ENPP6: variants seen among roughly 807,000 people sequenced by gnomAD.
ENPP6 encodes glycerophosphocholine cholinephosphodiesterase ENPP6.
A neutral mutation model predicts 42.0 loss-of-function variants in ENPP6; 32 were observed. The ratio of observed to expected loss-of-function variants is 0.76; its 90% CI spans 0.58 to 1.02. The LOEUF is 1.02. Among genes scored for constraint, ENPP6 ranks in the 50% least tolerant of loss-of-function variants. The probability of loss-of-function intolerance (pLI) is 0.00; values close to 1 mark genes in which losing one functional copy is unlikely to be tolerated. For missense variants in ENPP6, 552 were observed against 566.8 expected (o/e 0.97, Z 0.27); for synonymous variants, 213 against 216.0 (o/e 0.99, Z 0.12).
chr4:184,137,600 C>A (rs17075321), intron 2 of ENPP6, among the ~76,000 whole-genome samples: 3,587 of 152,312 alleles, frequency 0.024, 159 homozygotes, highest in African/African-American at 0.081. Context: ...GAGCAGACTA[C>A]CTTAATCCAG....
intron 1 of ENPP6, among the ~76,000 whole-genome samples, chr4:184,204,279 T>C (rs558178380): frequency 6.6e-6 from 1 of 152,292 alleles, no homozygotes; most frequent in South Asian, 2.1e-4. Flanking sequence ...GGTGTACAAA[T>C]TAGCCCATAA....
At chr4:184,141,353 T>C (rs1579631420) in intron 2 of ENPP6, among the ~76,000 whole-genome samples, 1 of 152,254 alleles carries the variant, frequency 6.6e-6, no homozygotes, top group East Asian at 1.9e-4. Context: ...TGGAATCTGG[T>C]CAGCTGAGAT....
At chr4:184,115,461 G>C (rs1405406105) in intron 5 of ENPP6, among the ~76,000 whole-genome samples, 2 of 152,212 alleles carry the variant, frequency 1.3e-5, no homozygotes, top group South Asian at 4.1e-4. Context: ...AGCAGGGTAA[G>C]CAGAGGTCTA....
intron 7 of ENPP6, among the ~76,000 whole-genome samples, chr4:184,095,219 C>T (rs531244566): frequency 2.0e-4 from 30 of 152,276 alleles, no homozygotes; most frequent in East Asian, 5.8e-4. Context: ...AAAGACTGGG[C>T]GCTTTTAGTG....
intron 1 of ENPP6, among the ~76,000 whole-genome samples, chr4:184,214,760 T>C (rs1335029166): frequency 6.6e-6 from 1 of 152,106 alleles, no homozygotes; most frequent in Non-Finnish European, 1.5e-5. Context: ...ATGTTCTCAC[T>C]CATAAGTGGG....
chr4:184,157,596 T>TCTTTCCTTC (rs1399426348), intron 1 of ENPP6, among the ~76,000 whole-genome samples: 1 of 150,124 alleles, frequency 6.7e-6, no homozygotes, highest in Non-Finnish European at 1.5e-5. Context: ...TCCTTTCCTT[T>TCTTTCCTTC]CTTTCCTTCC....
In ENPP6 at chr4:184,208,470, G is replaced by A. The variant is rs142059120; in HGVS notation, c.241+9109C>T. On this transcript the variant is annotated intron_variant, in intron 1 of 7. Coordinates refer to ENST00000296741, the MANE Select transcript of ENPP6 (RefSeq NM_153343.4). ...GAGTTCCCTTTCCGAGTCAAAGAAA[G>A]GGGTGACGGATGGCATCTGGAAAAT... Among the ~76,000 whole-genome samples the A allele has an allele frequency of 8.6e-3, 1,303 of 152,314 alleles. 22 individuals are homozygous for A. The highest frequency in any genetic ancestry group is 0.03 in the African/African-American group (1,236 of 41,574).
At chr4:184,106,965 C>T (rs1310194604) in intron 6 of ENPP6, among the ~76,000 whole-genome samples, 1 of 152,118 alleles carries the variant, frequency 6.6e-6, no homozygotes, top group Non-Finnish European at 1.5e-5. Flanking sequence ...CCCTTCTCCA[C>T]TTGGCATTTT....
chr4:184,191,425 C>A (rs964232213), intron 1 of ENPP6, among the ~76,000 whole-genome samples: 3 of 152,154 alleles, frequency 2.0e-5, no homozygotes, highest in African/African-American at 4.8e-5. Context: ...TGACTGAATC[C>A]GGCTACTTGT....
rs535228366 is a variant in ENPP6, at chr4:184,112,669, T to C, written c.993+3A>G. On this transcript the variant is annotated splice_donor_region_variant and intron_variant, in intron 6 of 7. Transcript: ENST00000296741. ...AATAAATTGGCACATATTTCATAAT[T>C]ACCTCAGTTATGAACCAGCCTTCAT... 1.2e-6 allele frequency: 2 copies of C among 1,610,992 alleles called. No homozygotes were observed. Among genetic ancestry groups the C allele is most frequent in the African/African-American group, 2.7e-5 (2 of 74,876 alleles).
Position 184,171,756 on chromosome 4 carries a change from T to C in ENPP6, c.242-18023A>G, listed in dbSNP as rs1303006658. 5.3e-5 allele frequency among the ~76,000 whole-genome samples: 8 copies of C among 151,650 alleles called. No individual in the cohort carries two copies. In the Admixed American group the frequency reaches 5.3e-4, roughly 10 times the overall value. On this transcript the variant is annotated intron_variant, in intron 1 of 7. Transcript: ENST00000296741. ...AGTTAGTTATTTAAAAACTTGTGTG[T>C]TCACATAATTTGTTAGTTACAAACA...
chr4:184,196,187 T>C (rs548712674), intron 1 of ENPP6, among the ~76,000 whole-genome samples: 3 of 152,246 alleles, frequency 2.0e-5, no homozygotes, highest in Non-Finnish European at 4.4e-5. Flanking sequence ...TTTCAAGCTG[T>C]CCGGATCCTT....
At chr4:184,165,255 T>G (rs1737329846) in intron 1 of ENPP6, among the ~76,000 whole-genome samples, 1 of 152,224 alleles carries the variant, frequency 6.6e-6, no homozygotes, top group Non-Finnish European at 1.5e-5. Flanking sequence ...ATGCTTTACA[T>G]TTGCATCTCA....
chr4:184,116,812 A>C (rs909565918), intron 5 of ENPP6, 44 bp downstream of exon 5: 1 of 1,606,392 alleles, frequency 6.2e-7, no homozygotes, highest in Non-Finnish European at 8.5e-7. Context: ...GCAACACACG[A>C]GGGCCCACAT....
At chr4:184,157,913 C>T (rs559738613) in intron 1 of ENPP6, among the ~76,000 whole-genome samples, 12 of 151,884 alleles carry the variant, frequency 7.9e-5, no homozygotes, top group South Asian at 4.2e-4. Context: ...AGCCACTGTG[C>T]CCAGCCAAGT....
At chr4:184,168,856 G>A (rs990385385) in intron 1 of ENPP6, among the ~76,000 whole-genome samples, 9 of 152,188 alleles carry the variant, frequency 5.9e-5, no homozygotes, top group East Asian at 1.9e-4. Flanking sequence ...ACCTGGAGCC[G>A]GGGCCTTGCC....
At chr4:184,200,670 C>T (rs542396953) in intron 1 of ENPP6, among the ~76,000 whole-genome samples, 75 of 152,340 alleles carry the variant, frequency 4.9e-4, no homozygotes, top group African/African-American at 1.7e-3. Flanking sequence ...CTCCTCTGCC[C>T]CCTTTCCCTG....
At chr4:184,119,323 GTGTGTGTGTGTGT>G (rs1214749680) in intron 3 of ENPP6, among the ~76,000 whole-genome samples, 1 of 968 alleles carries the variant, frequency 1.0e-3, no homozygotes, top group African/African-American at 1.7e-3. Context: ...GTGTGTGTGT[GTGTGTGTGTGTGT>G]GTGTGTGTGT....
At chr4:184,109,978 G>A (rs376249463) in intron 6 of ENPP6, among the ~76,000 whole-genome samples, 3 of 152,292 alleles carry the variant, frequency 2.0e-5, no homozygotes, top group African/African-American at 2.4e-5. Context: ...AGTGTGGGGC[G>A]GGAGGATGTG....
Sources: gnomAD v4.1 joint callset for allele counts (sites outside exome capture counted in the v4.1 genomes callset) on GRCh38, gnomAD v4.1.1 for gene constraint, MANE v1.5 for transcripts, NCBI Gene and HGNC (gene_info 2026-07-23, HGNC 2026-07-21) for gene names.